The following CTNNA2 variants were observed in gnomAD, a reference collection of about 807,000 sequenced individuals.
CTNNA2 encodes catenin alpha 2.
CTNNA2 carries 42 observed loss-of-function variants against 101.0 expected under a neutral mutation model. The ratio of observed to expected loss-of-function variants is 0.42; its 90% confidence interval spans 0.32 to 0.54. The LOEUF is 0.54. Among genes scored for constraint, CTNNA2 ranks in the 20% least tolerant of loss-of-function variants. The pLI is 0.14. For missense variants in CTNNA2, 871 were observed against 1,223.1 expected, an observed-to-expected ratio of 0.71 and a Z score of 4.29; for synonymous variants, 450 against 456.4, an observed-to-expected ratio of 0.99 and a Z score of 0.18.
At chr2:79,999,009 G>C (rs1692745219) in intron 7 of CTNNA2, among the ~76,000 whole-genome samples, 1 of 151,950 alleles carries the variant, frequency 6.6e-6, no homozygotes, top group Admixed American at 6.6e-5. Context: ...GAAGTCTACT[G>C]TTCCTGGATG....
chr2:80,538,100 TC>T (rs1176905886), intron 9 of CTNNA2, among the ~76,000 whole-genome samples: 1 of 152,166 alleles, frequency 6.6e-6, no homozygotes, highest in Non-Finnish European at 1.5e-5. Flanking sequence ...AAATTTAAGT[TC>T]CTTGTAGATT....
intron 3 of CTNNA2, among the ~76,000 whole-genome samples, chr2:79,759,452 CCATACTTTTTCTCT>C (rs1225926773): frequency 3.3e-5 from 5 of 151,934 alleles, no homozygotes; most frequent in African/African-American, 4.8e-5. Context: ...ACTTTTTCTC[CCATACTTTTTCTCT>C]GGTTCTCAGG....
chr2:79,365,629 A>T (rs1295417676), intron 3 of CTNNA2, among the ~76,000 whole-genome samples: 1 of 151,976 alleles, frequency 6.6e-6, no homozygotes, highest in Non-Finnish European at 1.5e-5. Flanking sequence ...GTCTAAAAAA[A>T]AAAAAGGAGA....
chr2:79,711,486 A>G (rs1304346340), intron 2 of CTNNA2, among the ~76,000 whole-genome samples: 1 of 152,212 alleles, frequency 6.6e-6, no homozygotes, highest in Non-Finnish European at 1.5e-5. Context: ...ATAGCTAAAT[A>G]CAAAAGACAA....
intron 2 of CTNNA2, among the ~76,000 whole-genome samples, chr2:79,700,507 A>C (rs1352569110): frequency 6.6e-6 from 1 of 151,658 alleles, no homozygotes; most frequent in Non-Finnish European, 1.5e-5. Context: ...TGGGGACTTG[A>C]CCCCCGCTGG....
intron 1 of CTNNA2, among the ~76,000 whole-genome samples, chr2:79,594,374 A>C (rs545756227): frequency 2.5e-4 from 38 of 152,232 alleles, no homozygotes; most frequent in Admixed American, 1.2e-3. Flanking sequence ...AAGCTATTTT[A>C]TGATCCTAGG....
intron 6 of CTNNA2, among the ~76,000 whole-genome samples, chr2:79,890,272 G>A (rs1201537816): frequency 3.9e-5 from 6 of 152,198 alleles, no homozygotes; most frequent in Admixed American, 2.6e-4. Context: ...AGGAACCACA[G>A]CCTGAAGCAG....
At chr2:79,606,469 C>T (rs997045174) in intron 1 of CTNNA2, among the ~76,000 whole-genome samples, 2 of 152,102 alleles carry the variant, frequency 1.3e-5, no homozygotes, top group Non-Finnish European at 2.9e-5. Context: ...AGGGTTTCAG[C>T]TTGTTAGCCA....
At chr2:79,233,445 T>G (rs1437478820) in intron 2 of CTNNA2, among the ~76,000 whole-genome samples, 1 of 152,228 alleles carries the variant, frequency 6.6e-6, no homozygotes, top group South Asian at 2.1e-4. Context: ...CTTTTTAAAA[T>G]GTATTGAGAC....
chr2:79,928,652 G>C (rs779560981), intron 7 of CTNNA2, among the ~76,000 whole-genome samples: 1 of 152,120 alleles, frequency 6.6e-6, no homozygotes, highest in Non-Finnish European at 1.5e-5. Flanking sequence ...TTTCCAATCA[G>C]CCTGAAGCCA....
chr2:80,060,233 G>A (rs558116126), intron 7 of CTNNA2, among the ~76,000 whole-genome samples: 1 of 152,296 alleles, frequency 6.6e-6, no homozygotes, highest in Non-Finnish European at 1.5e-5. Flanking sequence ...ACCCTTGTAA[G>A]ACATCTGGAT....
intron 7 of CTNNA2, among the ~76,000 whole-genome samples, chr2:80,202,218 G>C (rs1358267025): frequency 1.3e-5 from 2 of 152,084 alleles, no homozygotes; most frequent in African/African-American, 4.8e-5. Flanking sequence ...ACCTGTATCT[G>C]TTGATGAATT....
chr2:79,720,515 A>G (rs1686412465), intron 2 of CTNNA2, among the ~76,000 whole-genome samples: 1 of 152,114 alleles, frequency 6.6e-6, no homozygotes, highest in African/African-American at 2.4e-5. Context: ...AATTCTTCCA[A>G]TCTATAAACA....
At position 80,604,062 on chromosome 2, in the gene CTNNA2, ATGT is replaced by A. The variant is rs763050945; in HGVS notation, c.2190-7_2190-5del. On this transcript the variant is annotated splice_polypyrimidine_tract_variant and intron_variant, in intron 15 of 18. Transcript: ENST00000402739. ...AAGTGGATTTCTAATTATGTTGTATATGTTGTTTCAGAGGCAAAGGCCCATTGA... is the reference window on the plus strand; with the variant it reads ...AAGTGGATTTCTAATTATGTTGTATATGTTTCAGAGGCAAAGGCCCATTGA... 30 of 1,606,044 alleles carry A rather than the reference ATGT, an allele frequency of 1.9e-5. No homozygotes were observed. The highest frequency in any genetic ancestry group is 2.4e-5 in the Non-Finnish European group (28 of 1,173,404).
chr2:80,064,204 G>A (rs1697811470), intron 7 of CTNNA2, among the ~76,000 whole-genome samples: 1 of 152,192 alleles, frequency 6.6e-6, no homozygotes. Flanking sequence ...GAATGTGAGG[G>A]CTGGGTTATC....
chr2:79,376,369 T>C (rs1455970996), intron 4 of CTNNA2, among the ~76,000 whole-genome samples: 1 of 152,172 alleles, frequency 6.6e-6, no homozygotes, highest in Non-Finnish European at 1.5e-5. Flanking sequence ...TGTGTGTTTT[T>C]GCTTAAAAAC....
At chr2:80,075,313 G>A (rs964003212) in intron 7 of CTNNA2, among the ~76,000 whole-genome samples, 1 of 151,914 alleles carries the variant, frequency 6.6e-6, no homozygotes, top group Admixed American at 6.6e-5. Context: ...GAACACAGTG[G>A]TCAAGAGGAG....
At chr2:80,233,259 T>C (rs1210715405) in intron 7 of CTNNA2, among the ~76,000 whole-genome samples, 1 of 152,182 alleles carries the variant, frequency 6.6e-6, no homozygotes, top group Non-Finnish European at 1.5e-5. Flanking sequence ...AAATGTCTGC[T>C]GAGGTGCACA....
chr2:79,293,338 A>G (rs568792936), intron 2 of CTNNA2: 2 of 152,186 alleles, frequency 1.3e-5, no homozygotes, highest in Non-Finnish European at 2.9e-5. Context: ...ATTTGGAAAC[A>G]TAAACTGGCT....
Sources: gnomAD v4.1 joint callset for allele counts (sites outside exome capture counted in the v4.1 genomes callset) on GRCh38, gnomAD v4.1.1 for gene constraint, MANE v1.5 for transcripts, NCBI Gene and HGNC (gene_info 2026-07-23, HGNC 2026-07-21) for gene names.